Variants in LYZL2 observed in about 807,000 individuals in gnomAD.
LYZL2 encodes lysozyme-like protein 2.
A neutral mutation model predicts 17.1 loss-of-function variants in LYZL2; 13 were observed. The observed-to-expected ratio is 0.76, with a 90% confidence interval of 0.49 to 1.21. The LOEUF (loss-of-function observed/expected upper bound fraction) is 1.21. Among genes scored for constraint, LYZL2 ranks in the 50% most tolerant of loss-of-function variants. The pLI, the probability that LYZL2 is intolerant of heterozygous loss-of-function variation, is 0.00. For synonymous variants in LYZL2, 63 were observed against 74.4 expected, an observed-to-expected ratio of 0.85 and a Z score of 0.79; for missense variants, 166 against 189.2, an observed-to-expected ratio of 0.88 and a Z score of 0.72.
At chr10:30,628,030 T>G (rs1435083329) in intron 1 of LYZL2, among the ~76,000 whole-genome samples, 3 of 152,120 alleles carry the variant, frequency 2.0e-5, no homozygotes, top group East Asian at 1.9e-4. Flanking sequence ...TGTGGTGGCA[T>G]GTGTCTGTAG....
chr10:30,609,575 G>C (rs979923431), downstream of LYZL2, among the ~76,000 whole-genome samples: 3 of 152,222 alleles, frequency 2.0e-5, no homozygotes, highest in South Asian at 2.1e-4. Context: ...CCAAGAACCA[G>C]GCAGAGCTGA....
At chr10:30,622,636 A>C (rs1467182528) in intron 3 of LYZL2, among the ~76,000 whole-genome samples, 1 of 152,234 alleles carries the variant, frequency 6.6e-6, no homozygotes, top group African/African-American at 2.4e-5. Flanking sequence ...ATCATGGCAT[A>C]ACCCACAGGC....
downstream of LYZL2, among the ~76,000 whole-genome samples, chr10:30,611,109 G>A (rs563169227): frequency 5.3e-5 from 8 of 152,198 alleles, no homozygotes; most frequent in African/African-American, 9.6e-5. Flanking sequence ...GTCTTATTTC[G>A]AATGGCCACA....
At chr10:30,616,688 C>T (rs1838532864) in intron 3 of LYZL2, among the ~76,000 whole-genome samples, 1 of 152,206 alleles carries the variant, frequency 6.6e-6, no homozygotes, top group South Asian at 2.1e-4. Context: ...CTCAGAACAA[C>T]CATTTCTATG....
chr10:30,625,743 T>C (rs147868048), intron 3 of LYZL2, among the ~76,000 whole-genome samples: 6 of 152,288 alleles, frequency 3.9e-5, no homozygotes, highest in East Asian at 1.9e-4. Context: ...CTCAAAGAAG[T>C]ACAAACTGCA....
intron 3 of LYZL2, 83 bp from the exon 4 acceptor site, chr10:30,612,983 A>C: frequency 1.5e-5 from 16 of 1,073,356 alleles, no homozygotes; most frequent in Non-Finnish European, 2.0e-5. Flanking sequence ...CATTTTTCTC[A>C]GTCTTTTTGG....
At chr10:30,610,436 C>T (rs946256489), downstream of LYZL2, among the ~76,000 whole-genome samples, 1 of 152,120 alleles carries the variant, frequency 6.6e-6, no homozygotes, top group South Asian at 2.1e-4. Flanking sequence ...AGCACACTAA[C>T]ATAAGAACAG....
intron 3 of LYZL2, among the ~76,000 whole-genome samples, chr10:30,624,940 G>C (rs1825070200): frequency 6.6e-6 from 1 of 152,216 alleles, no homozygotes; most frequent in South Asian, 2.1e-4. Flanking sequence ...ATTGCTGGCT[G>C]TGAAGATGGA....
intron 3 of LYZL2, among the ~76,000 whole-genome samples, chr10:30,620,285 G>A (rs1032678124): frequency 6.6e-6 from 1 of 152,128 alleles, no homozygotes; most frequent in East Asian, 1.9e-4. Context: ...CAAGAGGATC[G>A]CCCAGAACAT....
intron 3 of LYZL2, among the ~76,000 whole-genome samples, chr10:30,624,015 C>T (rs1326669561): frequency 6.6e-6 from 1 of 152,210 alleles, no homozygotes; most frequent in East Asian, 1.9e-4. Context: ...GCCTTTCTCC[C>T]TCATCGAGTC....
chr10:30,614,474 G>A (rs1379717024), intron 3 of LYZL2, among the ~76,000 whole-genome samples: 1 of 152,220 alleles, frequency 6.6e-6, no homozygotes, highest in East Asian at 1.9e-4. Flanking sequence ...AGCCAATCCT[G>A]AAGCAGGTGG....
rs144194865 is a variant in LYZL2, at chr10:30,613,233, T to G, written c.299-333A>C. Among the ~76,000 whole-genome samples the G allele has an allele frequency of 9.9e-5, 15 of 152,270 alleles. No homozygotes were observed. The East Asian group carries it at 2.7e-3, about 27-fold the overall frequency. On this transcript the variant is annotated intron_variant, in intron 3 of 4. Transcript: ENST00000647634. ...ATAGGCACAGGCCGGGCGTGGTGGC[T>G]GACCTGCAATCCCAGTACTTTGGGA...
intron 2 of LYZL2, among the ~76,000 whole-genome samples, chr10:30,626,530 G>T (rs967296916): frequency 6.6e-5 from 10 of 152,174 alleles, no homozygotes; most frequent in African/African-American, 2.2e-4. Context: ...TGCCAGCAGA[G>T]GTGGCATTAT....
chr10:30,627,909 C>G (rs532690837), intron 1 of LYZL2, among the ~76,000 whole-genome samples: 3 of 152,188 alleles, frequency 2.0e-5, no homozygotes, highest in African/African-American at 7.2e-5. Context: ...CCTGTAATCC[C>G]GGCACTTTGG....
intron 3 of LYZL2, among the ~76,000 whole-genome samples, chr10:30,617,064 C>A (rs1306795681): frequency 3.9e-5 from 6 of 152,072 alleles, no homozygotes; most frequent in African/African-American, 1.2e-4. Context: ...AGTGGTCTAG[C>A]GTATTTCCTG....
chr10:30,620,319 A>G (rs779466398), intron 3 of LYZL2, among the ~76,000 whole-genome samples: 42 of 152,268 alleles, frequency 2.8e-4, no homozygotes, highest in Non-Finnish European at 5.3e-4. Flanking sequence ...ACCTCTTCCC[A>G]CCCGCTTATG....
chr10:30,612,007 T>C lies in LYZL2; in HGVS notation c.395A>G (p.His132Arg), dbSNP rs1234829546. Residue 132 changes from histidine (H) to arginine (R), a missense_variant, in exon 5 of 5, where the codon CAC becomes CGC. Physicochemically the swap from His to Arg is conservative, Grantham distance 29. Around this residue, in one of 2 missense-constraint regions of LYZL2, gnomAD observed 134 missense variants for 129.4 expected, o/e 1.04. Coordinates refer to ENST00000647634, the MANE Select transcript of LYZL2 (RefSeq NM_183058.3). ...GTCGGACAGGTCTCTCCCCTCACAG[T>C]GTTTCTTCCAGCCTTGCCTGAGGAC... Reference protein sequence around the residue: ...GMNYWQGWKKHCEGRDLSDWK... With the variant: ...GMNYWQGWKKRCEGRDLSDWK... The C allele has an allele frequency of 9.3e-6, 15 of 1,614,012 alleles. No homozygotes were observed. The highest frequency in any genetic ancestry group is 1.2e-5 in the Non-Finnish European group (14 of 1,180,024).
intron 4 of LYZL2, 32 bp from the exon 5 acceptor site, chr10:30,612,056 A>G: frequency 6.2e-7 from 1 of 1,609,804 alleles, no homozygotes; most frequent in Non-Finnish European, 8.5e-7. Context: ...GAGCAGCAGA[A>G]AGAAGCGTGA....
At chr10:30,617,789 A>T (rs1258826550) in intron 3 of LYZL2, among the ~76,000 whole-genome samples, 1 of 151,552 alleles carries the variant, frequency 6.6e-6, no homozygotes, top group Non-Finnish European at 1.5e-5. Context: ...CTCTCTCACC[A>T]CTCCTATTCA....
Sources: gnomAD v4.1 joint callset for allele counts (sites outside exome capture counted in the v4.1 genomes callset) on GRCh38, gnomAD v4.1.1 for gene constraint, gnomAD v4.1.1 regional missense constraint, MANE v1.5 for transcripts, NCBI Gene and HGNC (gene_info 2026-07-23, HGNC 2026-07-21) for gene names.